Variants in ZNF420 observed in about 807,000 individuals in gnomAD.
ZNF420 encodes ATM and p53-associated KZNF protein.
In ZNF420, 31 loss-of-function variants were observed where a neutral mutation model predicts 44.7. The observed-to-expected ratio is 0.69, with a 90% CI of 0.52 to 0.94. The LOEUF (loss-of-function observed/expected upper bound fraction) is 0.94, where lower values mean the gene tolerates loss of function less well. Ranked by LOEUF, ZNF420 falls within the 40% of genes least tolerant of loss-of-function variation. ZNF420 has a pLI of 0.00. For missense variants in ZNF420, 681 were observed against 827.9 expected (o/e 0.82, Z 2.18); for synonymous variants, 245 against 267.4 (o/e 0.92, Z 0.82).
At chr19:37,052,878 C>T (rs1250864424) in intron 1 of ZNF420, among the ~76,000 whole-genome samples, 1 of 152,056 alleles carries the variant, frequency 6.6e-6, no homozygotes, top group African/African-American at 2.4e-5. Flanking sequence ...TTGTGGTGTT[C>T]CCTGTATTTC....
At chr19:37,086,137 C>G (rs1412942205) in intron 2 of ZNF420, among the ~76,000 whole-genome samples, 1 of 151,902 alleles carries the variant, frequency 6.6e-6, no homozygotes, top group East Asian at 1.9e-4. Context: ...CTTAGCCCTT[C>G]CCTTGTCTTC....
chr19:37,106,598 T>A (rs1031739435), intron 4 of ZNF420: 2 of 152,210 alleles, frequency 1.3e-5, no homozygotes, highest in African/African-American at 4.8e-5. Context: ...ATCCCACCAC[T>A]TTGGGAGGCC....
At chr19:37,048,394 C>A (rs970119149) in intron 1 of ZNF420, among the ~76,000 whole-genome samples, 1 of 152,116 alleles carries the variant, frequency 6.6e-6, no homozygotes, top group African/African-American at 2.4e-5. Context: ...AGGCATAAGA[C>A]AACCAAAAAG....
chr19:37,044,224 A>G (rs144928560), intron 1 of ZNF420, among the ~76,000 whole-genome samples: 1 of 152,332 alleles, frequency 6.6e-6, no homozygotes, highest in East Asian at 1.9e-4. Context: ...ACATTTTAAC[A>G]GCCAAGGATG....
rs1036645522 is a variant in ZNF420 at position 37,129,639 on chromosome 19, A to T, written c.*581A>T. The T allele has an allele frequency of 2.5e-5, 4 of 158,036 alleles. No homozygotes were observed. Among genetic ancestry groups the T allele is most frequent in the African/African-American group, 9.6e-5 (4 of 41,524 alleles). The allele number at this position is 158,036 out of a possible 1,614,324, so 9.8% of individuals were successfully genotyped here. A position where few individuals can be genotyped will look rare whatever the true frequency, so the allele number is the denominator to read the frequency against. ...ACTTGGTTGGGGGGCACTGTATGCC[A>T]TAATGAATGTGAGAAAGCTGTCATT... is the stretch of plus-strand genomic sequence containing the variant. On this transcript the variant is annotated 3_prime_UTR_variant, in exon 5 of 5. Transcript: ENST00000337995.
At chr19:37,013,881 GT>G (rs2074590455) in intron 1 of ZNF420, among the ~76,000 whole-genome samples, 1 of 152,210 alleles carries the variant, frequency 6.6e-6, no homozygotes, top group Admixed American at 6.5e-5. Flanking sequence ...GCGACCACAC[GT>G]GGCACTGGCG....
chr19:37,028,159 G>T (rs1283691975), intron 1 of ZNF420, among the ~76,000 whole-genome samples: 1 of 152,110 alleles, frequency 6.6e-6, no homozygotes, highest in Non-Finnish European at 1.5e-5. Context: ...GTTTTAATTT[G>T]AATTCCCTAG....
intron 1 of ZNF420, among the ~76,000 whole-genome samples, chr19:37,028,375 GAAT>G (rs1039636226): frequency 1.3e-5 from 2 of 152,198 alleles, no homozygotes; most frequent in African/African-American, 4.8e-5. Context: ...ATTGGAAACA[GAAT>G]AATACCTGGT....
chr19:37,081,109 C>T (rs1568442338), intron 2 of ZNF420, among the ~76,000 whole-genome samples: 1 of 150,982 alleles, frequency 6.6e-6, no homozygotes, highest in Non-Finnish European at 1.5e-5. Flanking sequence ...ATTTATTCTA[C>T]CTTCAGTTCA....
intron 4 of ZNF420, among the ~76,000 whole-genome samples, chr19:37,094,280 C>T (rs1170222698): frequency 6.6e-6 from 1 of 152,018 alleles, no homozygotes; most frequent in Non-Finnish European, 1.5e-5. Context: ...CTCTTTTTAT[C>T]TTACGGGCTT....
intron 4 of ZNF420, among the ~76,000 whole-genome samples, chr19:37,103,049 T>C (rs1447301499): frequency 6.6e-6 from 1 of 152,188 alleles, no homozygotes; most frequent in Non-Finnish European, 1.5e-5. Context: ...TCACTTCTTC[T>C]TGAGGTGAAA....
At chr19:37,037,331 T>C (rs1279303742) in intron 1 of ZNF420, among the ~76,000 whole-genome samples, 1 of 152,202 alleles carries the variant, frequency 6.6e-6, no homozygotes, top group South Asian at 2.1e-4. Context: ...GCAGGGGTCC[T>C]CTTGCCGAGA....
chr19:37,120,601 A>G (rs963879583), intron 4 of ZNF420, among the ~76,000 whole-genome samples: 1 of 152,170 alleles, frequency 6.6e-6, no homozygotes, highest in Non-Finnish European at 1.5e-5. Flanking sequence ...CCTATTCAAC[A>G]TAGTGTTGGA....
intron 1 of ZNF420, among the ~76,000 whole-genome samples, chr19:37,079,208 G>A (rs760835825): frequency 1.8e-4 from 28 of 152,192 alleles, no homozygotes; most frequent in Non-Finnish European, 3.1e-4. Flanking sequence ...AGACAAGGTG[G>A]TCTAACAATG....
intron 2 of ZNF420, among the ~76,000 whole-genome samples, chr19:37,086,272 C>T (rs1968774289): frequency 6.6e-6 from 1 of 152,230 alleles, no homozygotes; most frequent in South Asian, 2.1e-4. Flanking sequence ...CCCTCTCTGA[C>T]CCTCTCCAGG....
chr19:37,065,240 C>G (rs1170769316), intron 1 of ZNF420, among the ~76,000 whole-genome samples: 2 of 152,128 alleles, frequency 1.3e-5, no homozygotes, highest in African/African-American at 4.8e-5. Flanking sequence ...ATGCCCTGGG[C>G]TTAGATTATG....
At chr19:37,058,708 G>A (rs897261532) in intron 1 of ZNF420, among the ~76,000 whole-genome samples, 4 of 151,586 alleles carry the variant, frequency 2.6e-5, no homozygotes, top group South Asian at 2.1e-4. Flanking sequence ...CGCATCCACC[G>A]GGCACATGCC....
chr19:37,075,425 A>G (rs770316955), upstream of ZNF420, among the ~76,000 whole-genome samples: 2 of 152,186 alleles, frequency 1.3e-5, no homozygotes, highest in Non-Finnish European at 2.9e-5. Context: ...AATTTTAAAT[A>G]TATGAGTGAT....
At chr19:37,034,417 T>C (rs1187881766) in intron 1 of ZNF420, among the ~76,000 whole-genome samples, 1 of 152,246 alleles carries the variant, frequency 6.6e-6, no homozygotes, top group Non-Finnish European at 1.5e-5. Context: ...CGATCACTTA[T>C]CAAATATATT....
Sources: allele counts gnomAD v4.1 joint callset (sites outside exome capture counted in the v4.1 genomes callset), GRCh38; gene constraint gnomAD v4.1.1; transcripts MANE v1.5; gene names NCBI Gene and HGNC (gene_info 2026-07-23, HGNC 2026-07-21).